Variants in COL21A1 observed in about 807,000 individuals in gnomAD.
The protein encoded by COL21A1 is collagen alpha-1(XXI) chain.
A neutral mutation model predicts 137.9 loss-of-function variants in COL21A1; 149 were observed. That is an observed-to-expected ratio of 1.08 (90% CI 0.95 to 1.24). The LOEUF (loss-of-function observed/expected upper bound fraction) is 1.24. COL21A1 is among the 50% of genes most tolerant of loss of function. The pLI, the probability that COL21A1 is intolerant of heterozygous loss-of-function variation, is 0.00. For synonymous variants in COL21A1, 456 were observed against 391.5 expected (o/e 1.16, Z -1.95); for missense variants, 1,167 against 1,158.4 (o/e 1.01, Z -0.11).
At chr6:56,241,223 G>A (rs1782300094) in intron 1 of COL21A1, among the ~76,000 whole-genome samples, 1 of 152,134 alleles carries the variant, frequency 6.6e-6, no homozygotes, top group Non-Finnish European at 1.5e-5. Context: ...GGACTGGTAG[G>A]CCCTTATAAA....
chr6:56,074,857 T>A (rs886114801), intron 19 of COL21A1, among the ~76,000 whole-genome samples: 1 of 151,360 alleles, frequency 6.6e-6, no homozygotes, highest in African/African-American at 2.4e-5. Context: ...TTTAACACAC[T>A]TTACAAAGGA....
intron 1 of COL21A1, among the ~76,000 whole-genome samples, chr6:56,320,211 C>T (rs1764832173): frequency 6.6e-6 from 1 of 152,130 alleles, no homozygotes; most frequent in Non-Finnish European, 1.5e-5. Context: ...TGACTCCTTT[C>T]TTCCCCTAAT....
intron 1 of COL21A1, among the ~76,000 whole-genome samples, chr6:56,243,871 C>A (rs1782493365): frequency 6.6e-6 from 1 of 152,180 alleles, no homozygotes; most frequent in South Asian, 2.1e-4. Flanking sequence ...GTTCATTTTC[C>A]TCCTATGAGA....
At chr6:56,080,845 T>C (rs1004303312) in intron 17 of COL21A1, among the ~76,000 whole-genome samples, 1 of 151,800 alleles carries the variant, frequency 6.6e-6, no homozygotes, top group Non-Finnish European at 1.5e-5. Context: ...AATTCACATG[T>C]TGAAAGTATC....
intron 1 of COL21A1, among the ~76,000 whole-genome samples, chr6:56,224,030 G>A (rs987977156): frequency 6.6e-6 from 1 of 152,018 alleles, no homozygotes; most frequent in Non-Finnish European, 1.5e-5. Context: ...AATAAGAAAG[G>A]TAATTTTTTC....
At chr6:56,357,045 C>T (rs1562070244) in intron 1 of COL21A1, among the ~76,000 whole-genome samples, 1 of 152,164 alleles carries the variant, frequency 6.6e-6, no homozygotes, top group African/African-American at 2.4e-5. Context: ...GGATACATAC[C>T]TAATACCAGG....
intron 1 of COL21A1, among the ~76,000 whole-genome samples, chr6:56,256,539 A>C (rs1353856876): frequency 2.0e-5 from 3 of 152,196 alleles, no homozygotes; most frequent in Non-Finnish European, 2.9e-5. Flanking sequence ...CAAAATCAGC[A>C]TAACTTATGT....
At chr6:56,294,400 A>G (rs552111778) in intron 1 of COL21A1, among the ~76,000 whole-genome samples, 2 of 152,258 alleles carry the variant, frequency 1.3e-5, no homozygotes, top group Non-Finnish European at 2.9e-5. Context: ...TCAAGTGAAA[A>G]GCAATTTCAC....
chr6:56,102,792 A>G (rs1188753326), intron 16 of COL21A1, among the ~76,000 whole-genome samples: 1 of 152,208 alleles, frequency 6.6e-6, no homozygotes, highest in African/African-American at 2.4e-5. Flanking sequence ...AATGCCAACT[A>G]AAGCCAAATA....
In COL21A1 at chr6:56,060,932, C is replaced by G. The variant is rs866248635; in HGVS notation, c.2311G>C (p.Asp771His). Reference protein sequence around the residue: ...GPAGPKGQPGDPGPQGPPGLD... With the variant: ...GPAGPKGQPGHPGPQGPPGLD... Reference sequence around the variant, plus strand: ...CCTGGGGGTCCCTGAGGACCTGGATCCCCAGGTTGCCCCTTAGGACCTGCG... The same window carrying G: ...CCTGGGGGTCCCTGAGGACCTGGATGCCCAGGTTGCCCCTTAGGACCTGCG... Residue 771 changes from aspartate to histidine, a missense_variant, in exon 26 of 30, where the codon GAT becomes CAT. Coordinates refer to ENST00000244728, the MANE Select transcript of COL21A1 (RefSeq NM_030820.4). 6 of 1,580,442 alleles carry G rather than the reference C, an allele frequency of 3.8e-6. No homozygotes were observed. Among genetic ancestry groups the G allele is most frequent in the Non-Finnish European group, 5.1e-6 (6 of 1,168,788 alleles).
At chr6:56,070,887 A>AGT in intron 20 of COL21A1, 89 bp from the exon 21 acceptor site, 1 of 1,001,996 alleles carries the variant, frequency 1.0e-6, no homozygotes, top group Non-Finnish European at 1.5e-6. Flanking sequence ...TATATGTAAA[A>AGT]TAACTTTTAC....
At chr6:56,288,730 T>A (rs1175216758) in intron 1 of COL21A1, among the ~76,000 whole-genome samples, 1 of 152,174 alleles carries the variant, frequency 6.6e-6, no homozygotes, top group Admixed American at 6.5e-5. Context: ...AGCACTTTAA[T>A]GATTAGCTGC....
chr6:56,345,798 G>A (rs1338628448), intron 1 of COL21A1, among the ~76,000 whole-genome samples: 1 of 152,220 alleles, frequency 6.6e-6, no homozygotes, highest in Non-Finnish European at 1.5e-5. Flanking sequence ...TTCCAAGAGA[G>A]AATGAAGTTG....
intron 1 of COL21A1, among the ~76,000 whole-genome samples, chr6:56,329,240 TTAAA>T (rs1423814351): frequency 1.3e-5 from 2 of 152,130 alleles, no homozygotes; most frequent in African/African-American, 2.4e-5. Flanking sequence ...TTTGACTATC[TTAAA>T]TATTTTGTGT....
At chr6:56,271,992 C>A (rs886371966) in intron 1 of COL21A1, among the ~76,000 whole-genome samples, 5 of 152,224 alleles carry the variant, frequency 3.3e-5, no homozygotes, top group African/African-American at 1.2e-4. Context: ...AGGGGCAGAG[C>A]CCTCAAGGAG....
At chr6:56,320,742 T>C (rs1289203709) in intron 1 of COL21A1, among the ~76,000 whole-genome samples, 1 of 152,176 alleles carries the variant, frequency 6.6e-6, no homozygotes, top group Non-Finnish European at 1.5e-5. Context: ...TGTTCAATGT[T>C]CACCTTATCA....
chr6:56,120,507 G>A (rs941665751), intron 16 of COL21A1, among the ~76,000 whole-genome samples: 7 of 152,162 alleles, frequency 4.6e-5, no homozygotes, highest in Non-Finnish European at 1.0e-4. Context: ...CAAAAAACCT[G>A]AAAATGGGTT....
intron 1 of COL21A1, among the ~76,000 whole-genome samples, chr6:56,241,168 G>A (rs528803228): frequency 6.0e-4 from 92 of 152,256 alleles, no homozygotes; most frequent in African/African-American, 2.1e-3. Flanking sequence ...ATATTTGAAC[G>A]CAAGGCCTTT....
chr6:56,356,976 A>AT (rs562137021), intron 1 of COL21A1, among the ~76,000 whole-genome samples: 12 of 151,800 alleles, frequency 7.9e-5, no homozygotes, highest in South Asian at 2.1e-4. Context: ...TATTCTGTGC[A>AT]TTTTTTTTCT....
Sources: allele counts gnomAD v4.1 joint callset (sites outside exome capture counted in the v4.1 genomes callset), GRCh38; gene constraint gnomAD v4.1.1; transcripts MANE v1.5; gene names NCBI Gene and HGNC (gene_info 2026-07-23, HGNC 2026-07-21).